The following APPL2 variants were observed in gnomAD, a reference collection of about 807,000 sequenced individuals.
The protein encoded by APPL2 is adaptor protein, phosphotyrosine interacting with PH domain and leucine zipper 2.
APPL2 carries 84 observed loss-of-function variants against 92.7 expected under a neutral mutation model. The ratio of observed to expected loss-of-function variants is 0.91; its 90% CI spans 0.76 to 1.09. APPL2 has a LOEUF of 1.09. Ranked by LOEUF, APPL2 falls within the 50% of genes least tolerant of loss-of-function variation. APPL2 has a pLI of 0.00. For missense variants in APPL2, 736 were observed against 824.5 expected, an observed-to-expected ratio of 0.89 and a Z score of 1.31; for synonymous variants, 291 against 291.0, an observed-to-expected ratio of 1.00 and a Z score of 0.00.
chr12:105,212,868 C>T (rs544977178), intron 4 of APPL2, among the ~76,000 whole-genome samples: 25 of 152,342 alleles, frequency 1.6e-4, no homozygotes, highest in African/African-American at 7.2e-5. Flanking sequence ...AACCATTTGC[C>T]AGGCAAGGAA....
intron 9 of APPL2, among the ~76,000 whole-genome samples, chr12:105,200,864 G>GTATC (rs202172435): frequency 0.025 from 3,316 of 134,964 alleles, 49 homozygotes; most frequent in Non-Finnish European, 0.036. Context: ...ATGTATGTAT[G>GTATC]TATCTATCTA....
rs1271568154 is a variant in APPL2 at position 105,188,353 on chromosome 12, T to C, written c.1554A>G (p.Arg518=). The change falls in exon 17 of 21, where the codon AGA becomes AGG. Residue 518 remains arginine (R), a synonymous_variant. Coordinates refer to ENST00000258530, the MANE Select transcript of APPL2 (RefSeq NM_018171.5). ...STTEVIYEAM[R]QVLAARAIHN... is the part of the protein sequence containing the mutation. ...GAATAGCCCGAGCAGCCAATACTTG[T>C]CTCATCGCTTCATAAATCACTTCAG... 5 of 1,614,092 alleles carry C rather than the reference T, an allele frequency of 3.1e-6. No individual in the cohort carries two copies. Among genetic ancestry groups the C allele is most frequent in the Admixed American group, 1.7e-5 (1 of 60,004 alleles).
Position 105,188,330 on chromosome 12 carries a change from A to G in APPL2, c.1577T>C (p.Ile526Thr), listed in dbSNP as rs746718259. The change falls in exon 17 of 21, where the codon ATT becomes ACT. Residue 526 changes from isoleucine (I) to threonine (T), a missense_variant. Coordinates refer to ENST00000258530, the MANE Select transcript of APPL2 (RefSeq NM_018171.5). ...TTCTGTCATGCGGAAGATGTTATGA[A>G]TAGCCCGAGCAGCCAATACTTGTCT... ...AMRQVLAARA[I>T]HNIFRMTESH... 4 of 1,614,124 alleles carry G rather than the reference A, an allele frequency of 2.5e-6. No individual in the cohort carries two copies. In the Admixed American group the frequency reaches 6.7e-5, roughly 27 times the overall value.
chr12:105,206,855 T>C, intron 8 of APPL2: 1 of 550,014 alleles, frequency 1.8e-6, no homozygotes, highest in Non-Finnish European at 3.1e-6. Flanking sequence ...CCTGAACATA[T>C]GGCCTAACTT....
intron 2 of APPL2, among the ~76,000 whole-genome samples, chr12:105,226,756 A>G (rs1890540410): frequency 6.6e-6 from 1 of 152,246 alleles, no homozygotes; most frequent in Admixed American, 6.5e-5. Flanking sequence ...AGGGAAAAAT[A>G]CAAAAACAAA....
chr12:105,197,706 T>C (rs1035116570), intron 11 of APPL2, 59 bp downstream of exon 11: 40 of 1,599,892 alleles, frequency 2.5e-5, no homozygotes, highest in African/African-American at 5.4e-5. Flanking sequence ...TAGGAGGCCC[T>C]TGGAACGGGT....
At position 105,190,137 on chromosome 12, in the gene APPL2, T is replaced by C; in HGVS notation, c.1260A>G (p.Ser420=). ...SSCPSQNLKN[S]EMENENDKIV... ...TCTTGTCATTTTCATTTTCCATCTC[T>C]GAATTTTTCAGGTTCTGGCTGAAGG... is the stretch of plus-strand genomic sequence containing the variant. The change falls in exon 15 of 21, where the codon TCA becomes TCG. Residue 420 remains serine (S), a synonymous_variant. Coordinates refer to ENST00000258530, the MANE Select transcript of APPL2 (RefSeq NM_018171.5). 6.2e-7 allele frequency: 1 copy of C among 1,613,976 alleles called. No individual in the cohort carries two copies. The highest frequency in any genetic ancestry group is 8.5e-7 in the Non-Finnish European group (1 of 1,179,974).
intron 17 of APPL2, among the ~76,000 whole-genome samples, chr12:105,181,794 G>A (rs942984395): frequency 3.9e-5 from 6 of 152,116 alleles, no homozygotes; most frequent in African/African-American, 1.4e-4. Flanking sequence ...ATTTCTCTGG[G>A]ATCAGTGGTG....
At chr12:105,186,423 G>A (rs577582388) in intron 17 of APPL2, among the ~76,000 whole-genome samples, 5 of 151,982 alleles carry the variant, frequency 3.3e-5, no homozygotes, top group African/African-American at 7.2e-5. Context: ...TGGATATCAC[G>A]AAAAGGACTG....
At chr12:105,220,801 C>T (rs1890041177) in intron 2 of APPL2, among the ~76,000 whole-genome samples, 1 of 152,226 alleles carries the variant, frequency 6.6e-6, no homozygotes, top group Non-Finnish European at 1.5e-5. Context: ...CACACAGCCA[C>T]ACAGCTCCAC....
chr12:105,200,011 T>G lies in APPL2; in HGVS notation c.705-480A>C, dbSNP rs1393289042. Among the ~76,000 whole-genome samples, 23 of 151,540 alleles carry G rather than the reference T, an allele frequency of 1.5e-4. 1 individual carries two copies. The highest frequency in any genetic ancestry group is 2.9e-5 in the Non-Finnish European group (2 of 67,874). ...TTTTGTTTTTTTTTTTTTTTTTGTATTTTTAGTAGAGACGGGGTTTCACCG... is the reference window on the plus strand; with the variant it reads ...TTTTGTTTTTTTTTTTTTTTTTGTAGTTTTAGTAGAGACGGGGTTTCACCG... On this transcript the variant is annotated intron_variant, in intron 9 of 20. Transcript: ENST00000258530.
chr12:105,213,565 TCTG>T (rs1889392853), intron 4 of APPL2, among the ~76,000 whole-genome samples: 1 of 152,150 alleles, frequency 6.6e-6, no homozygotes, highest in African/African-American at 2.4e-5. Flanking sequence ...GTCCAGAAAC[TCTG>T]CTTTTAGGGA....
chr12:105,227,147 C>T (rs1375738890), intron 2 of APPL2, among the ~76,000 whole-genome samples: 1 of 146,734 alleles, frequency 6.8e-6, no homozygotes, highest in African/African-American at 2.5e-5. Context: ...AAAAAAAAGA[C>T]TCTAGTCCTT....
chr12:105,185,881 C>T lies in APPL2; in HGVS notation c.1634+2392G>A, dbSNP rs373835022. Among the ~76,000 whole-genome samples, 132 of 152,086 alleles carry T rather than the reference C, an allele frequency of 8.7e-4. 2 individuals carry two copies. In the South Asian group the frequency reaches 0.025, roughly 29 times the overall value. ...GTGCAGCCATTACCACTATCTAGTCCCAGGACATTTTTATCATCCCAGAGG... is the reference window on the plus strand; with the variant it reads ...GTGCAGCCATTACCACTATCTAGTCTCAGGACATTTTTATCATCCCAGAGG... On this transcript the variant is annotated intron_variant, in intron 17 of 20. Coordinates refer to ENST00000258530, the MANE Select transcript of APPL2 (RefSeq NM_018171.5).
At position 105,203,707 on chromosome 12, in the gene APPL2, G is replaced by T; in HGVS notation, c.700C>A (p.Gln234Lys). 1.9e-6 allele frequency: 3 copies of T among 1,614,096 alleles called. No individual in the cohort carries two copies. Among genetic ancestry groups the T allele is most frequent in the Non-Finnish European group, 2.5e-6 (3 of 1,179,948 alleles). ...CCGGCCGGAGTGCAGCATTACCTTT[G>T]AACCATGTCTGCAACGGAGGATAAA... ...SFLSSVADMVQSIQVELEAEA... is the reference protein window; with the variant it reads ...SFLSSVADMVKSIQVELEAEA... Residue 234 changes from glutamine (Q) to lysine (K), a missense_variant, in exon 9 of 21, where the codon CAA becomes AAA. Gln to Lys is a moderately conservative substitution (Grantham distance 53). Transcript: ENST00000258530.
chr12:105,207,622 G>A (rs1036248639), intron 7 of APPL2, among the ~76,000 whole-genome samples: 4 of 152,280 alleles, frequency 2.6e-5, no homozygotes, highest in East Asian at 1.9e-4. Flanking sequence ...CTAGAGTAGC[G>A]AAGGTCCTAG....
rs78157105 is a variant in APPL2, at chr12:105,228,746, C to T, written c.153+379G>A. ...GAAGCAGTTGAAAAAACATCTCTGCCCTCCCACACTGACATCTAAGACTCT... is the reference window on the plus strand; with the variant it reads ...GAAGCAGTTGAAAAAACATCTCTGCTCTCCCACACTGACATCTAAGACTCT... On this transcript the variant is annotated intron_variant, in intron 2 of 20. Coordinates refer to ENST00000258530, the MANE Select transcript of APPL2 (RefSeq NM_018171.5). Among the ~76,000 whole-genome samples, 431 of 152,182 alleles carry T rather than the reference C, an allele frequency of 2.8e-3. 17 individuals are homozygous for T. In the East Asian group the frequency reaches 0.071, roughly 25 times the overall value.
chr12:105,183,237 G>C (rs1455863986), intron 17 of APPL2, among the ~76,000 whole-genome samples: 1 of 151,828 alleles, frequency 6.6e-6, no homozygotes, highest in Non-Finnish European at 1.5e-5. Context: ...CTTTTAATTG[G>C]GGCATTTAGC....
chr12:105,208,209 A>T lies in APPL2; in HGVS notation c.374-10T>A. 1.2e-6 allele frequency: 2 copies of T among 1,614,218 alleles called. No individual in the cohort carries two copies. Among genetic ancestry groups the T allele is most frequent in the Non-Finnish European group, 1.7e-6 (2 of 1,180,018 alleles). ...TTTAAAGTGCTTACTTCTGAAAAGG[A>T]GAAAAGGGACCGTCTTAGAGCAATG... On this transcript the variant is annotated splice_polypyrimidine_tract_variant and intron_variant, in intron 5 of 20. Transcript: ENST00000258530.
Sources: gnomAD v4.1 joint callset for allele counts (sites outside exome capture counted in the v4.1 genomes callset) on GRCh38, gnomAD v4.1.1 for gene constraint, MANE v1.5 for transcripts, NCBI Gene and HGNC (gene_info 2026-07-23, HGNC 2026-07-21) for gene names.